The following CIMIP6 variants were observed in gnomAD, a reference collection of about 807,000 sequenced individuals.
The protein encoded by CIMIP6 is ciliary microtubule inner protein 6, also known as uncharacterized protein C2orf73.
chr2:54,362,180 T>A, the CIMIP6 span, among the ~76,000 whole-genome samples: 1 of 152,098 alleles, frequency 6.6e-6, no homozygotes, highest in Admixed American at 6.5e-5. Context: ...AAACCCTCCC[T>A]GGAGAGAGTT....
the CIMIP6 span, among the ~76,000 whole-genome samples, chr2:54,339,298 T>A: frequency 1.1e-4 from 8 of 75,844 alleles, 3 homozygotes; most frequent in Non-Finnish European, 2.8e-4. Flanking sequence ...ATTTGCAAAG[T>A]CAAATATGTT....
the CIMIP6 span, among the ~76,000 whole-genome samples, chr2:54,353,956 T>C: frequency 6.6e-6 from 1 of 152,312 alleles, no homozygotes; most frequent in East Asian, 1.9e-4. Flanking sequence ...AGTTTTCTCC[T>C]ACATTTTCTT....
the CIMIP6 span, among the ~76,000 whole-genome samples, chr2:54,352,444 C>T: frequency 6.6e-6 from 1 of 152,124 alleles, no homozygotes; most frequent in Non-Finnish European, 1.5e-5. Flanking sequence ...AACTGACAAA[C>T]AAAAATTGTT....
the CIMIP6 span, among the ~76,000 whole-genome samples, chr2:54,379,658 G>A: frequency 6.6e-6 from 1 of 151,852 alleles, no homozygotes; most frequent in African/African-American, 2.4e-5. Context: ...GCAACATAGG[G>A]AGACCCTGTC....
chr2:54,371,075 A>T, the CIMIP6 span, among the ~76,000 whole-genome samples: 2 of 152,216 alleles, frequency 1.3e-5, no homozygotes, highest in Non-Finnish European at 2.9e-5. Flanking sequence ...AAAGCTACAG[A>T]CACTGTTATT....
chr2:54,346,122 A>G, the CIMIP6 span, among the ~76,000 whole-genome samples: 8 of 152,198 alleles, frequency 5.3e-5, no homozygotes, highest in Non-Finnish European at 1.2e-4. Flanking sequence ...AACAAAATGT[A>G]TGTAATTATG....
chr2:54,344,489 C>T, the CIMIP6 span, among the ~76,000 whole-genome samples: 2 of 152,154 alleles, frequency 1.3e-5, no homozygotes, highest in African/African-American at 2.4e-5. Flanking sequence ...GACAATCTGC[C>T]TGGCCAAAGC....
the CIMIP6 span, among the ~76,000 whole-genome samples, chr2:54,380,162 AG>A: frequency 6.6e-6 from 1 of 152,066 alleles, no homozygotes; most frequent in Non-Finnish European, 1.5e-5. Flanking sequence ...AAAATAAAAA[AG>A]AAGGAAGGAA....
the CIMIP6 span, among the ~76,000 whole-genome samples, chr2:54,341,023 T>A: frequency 5.9e-5 from 9 of 152,316 alleles, no homozygotes; most frequent in African/African-American, 2.2e-4. Context: ...TCCTAGTGGT[T>A]CGCTTATCCC....
chr2:54,359,308 G>C, the CIMIP6 span, among the ~76,000 whole-genome samples: 1 of 152,108 alleles, frequency 6.6e-6, no homozygotes, highest in Non-Finnish European at 1.5e-5. Flanking sequence ...AGAGTTGCTT[G>C]AGCCCAGGAG....
the CIMIP6 span, chr2:54,330,973 C>G: frequency 1.2e-6 from 2 of 1,613,332 alleles, no homozygotes; most frequent in Admixed American, 3.3e-5. Flanking sequence ...GCCGTAGAGG[C>G]CCATGGAGGA....
the CIMIP6 span, chr2:54,358,961 C>G: frequency 2.0e-6 from 3 of 1,507,710 alleles, no homozygotes; most frequent in Non-Finnish European, 2.7e-6. Context: ...TTTTTTAGTA[C>G]CACTTGCCTC....
chr2:54,383,922 C>A, the CIMIP6 span, among the ~76,000 whole-genome samples: 4 of 152,206 alleles, frequency 2.6e-5, no homozygotes, highest in Non-Finnish European at 5.9e-5. Context: ...CTGTTGCACA[C>A]TCTCTTGGCT....
chr2:54,360,726 T>G, the CIMIP6 span: 5 of 705,232 alleles, frequency 7.1e-6, no homozygotes, highest in Non-Finnish European at 1.1e-5. Flanking sequence ...CCAAATGTTA[T>G]TAATAAGAGT....
At chr2:54,378,437 A>T in the CIMIP6 span, among the ~76,000 whole-genome samples, 2 of 152,158 alleles carry the variant, frequency 1.3e-5, no homozygotes, top group Non-Finnish European at 2.9e-5. Context: ...AGCAACTTAA[A>T]TTCTTCCCTA....
At chr2:54,355,716 A>AT in the CIMIP6 span, among the ~76,000 whole-genome samples, 3 of 151,326 alleles carry the variant, frequency 2.0e-5, no homozygotes, top group Non-Finnish European at 3.0e-5. Context: ...TAGACCATGT[A>AT]TTTTTTTGTT....
chr2:54,335,164 C>A, the CIMIP6 span: 2 of 652,402 alleles, frequency 3.1e-6, no homozygotes, highest in Non-Finnish European at 2.5e-6. Context: ...AAGCAGTAAC[C>A]TGAAACTATT....
chr2:54,343,387 T>G, the CIMIP6 span, among the ~76,000 whole-genome samples: 1 of 152,152 alleles, frequency 6.6e-6, no homozygotes, highest in Non-Finnish European at 1.5e-5. Flanking sequence ...ATTAAATATT[T>G]TATACATACA....
the CIMIP6 span, chr2:54,382,012 A>C: frequency 6.6e-7 from 1 of 1,516,408 alleles, no homozygotes. Flanking sequence ...TCATTTTTAT[A>C]ATGAGGAAGC....
Sources: gnomAD v4.1 joint callset for allele counts (sites outside exome capture counted in the v4.1 genomes callset) on GRCh38, gnomAD v4.1.1 for gene constraint, MANE v1.5 for transcripts, NCBI Gene and HGNC (gene_info 2026-07-23, HGNC 2026-07-21) for gene names.